NLGN1: variants seen among roughly 807,000 people sequenced by gnomAD.
NLGN1 encodes neuroligin 1, also known as neuroligin-1.
In NLGN1, 12 loss-of-function variants were observed where a neutral mutation model predicts 65.5. The ratio of observed to expected loss-of-function variants is 0.18; its 90% CI spans 0.12 to 0.30. The LOEUF (loss-of-function observed/expected upper bound fraction) is 0.30, where lower values mean the gene tolerates loss of function less well. Among genes scored for constraint, NLGN1 ranks in the 10% least tolerant of loss-of-function variants. NLGN1 has a pLI of 1.00. For synonymous variants in NLGN1, 350 were observed against 359.5 expected, an observed-to-expected ratio of 0.97 and a Z score of 0.30; for missense variants, 750 against 1,007.1, an observed-to-expected ratio of 0.74 and a Z score of 3.46.
At chr3:174,241,866 G>A (rs1577538238) in intron 4 of NLGN1, among the ~76,000 whole-genome samples, 1 of 152,136 alleles carries the variant, frequency 6.6e-6, no homozygotes, top group East Asian at 2.0e-4. Context: ...CACCGTGTTA[G>A]CCAGGATGGT....
chr3:174,259,146 ATAATC>A (rs1273918552), intron 4 of NLGN1, among the ~76,000 whole-genome samples: 5 of 152,178 alleles, frequency 3.3e-5, no homozygotes, highest in Admixed American at 6.5e-5. Flanking sequence ...AATATGGAAA[ATAATC>A]TAGTCTAGCC....
chr3:174,289,961 A>ATATATG (rs1752566135), downstream of NLGN1, among the ~76,000 whole-genome samples: 1 of 113,698 alleles, frequency 8.8e-6, no homozygotes, highest in African/African-American at 3.4e-5. Flanking sequence ...ATGTGTATAT[A>ATATATG]TATATATGTA....
intron 3 of NLGN1, among the ~76,000 whole-genome samples, chr3:173,639,533 G>A (rs1460079438): frequency 6.6e-6 from 1 of 152,194 alleles, no homozygotes; most frequent in Non-Finnish European, 1.5e-5. Flanking sequence ...TAGACATGGA[G>A]GACTGTTATG....
upstream of NLGN1, among the ~76,000 whole-genome samples, chr3:173,397,143 T>C (rs1716753008): frequency 6.6e-6 from 1 of 152,158 alleles, no homozygotes; most frequent in Non-Finnish European, 1.5e-5. Context: ...AAACGCTTTT[T>C]TTCATTTAAA....
chr3:173,543,684 A>G (rs1739274022), intron 2 of NLGN1, among the ~76,000 whole-genome samples: 1 of 152,170 alleles, frequency 6.6e-6, no homozygotes, highest in Non-Finnish European at 1.5e-5. Context: ...AAACTTCTAT[A>G]GGATTGATAA....
intron 4 of NLGN1, among the ~76,000 whole-genome samples, chr3:174,199,582 A>G (rs1734071988): frequency 6.6e-6 from 1 of 152,154 alleles, no homozygotes; most frequent in Non-Finnish European, 1.5e-5. Context: ...AGCTATCTGC[A>G]TCAGTAAATG....
At position 174,256,568 on chromosome 3, in the gene NLGN1, G is replaced by A. The variant is rs140725270; in HGVS notation, c.647-18747G>A. Among the ~76,000 whole-genome samples, 90 of 151,902 alleles carry A rather than the reference G, an allele frequency of 5.9e-4. 1 individual carries two copies. Among genetic ancestry groups the A allele is most frequent in the African/African-American group, 2.0e-3 (81 of 41,460 alleles). On this transcript the variant is annotated intron_variant, in intron 4 of 6. Coordinates refer to ENST00000457714, the Ensembl canonical transcript of NLGN1. ...GCATGTGTGTTTGTGTGTGTGTGGC[G>A]GTGTGTTGGTACTTCTATGTGCAAC...
intron 2 of NLGN1, among the ~76,000 whole-genome samples, chr3:173,539,613 ATAT>A (rs202106432): frequency 0.056 from 5,427 of 96,274 alleles, 424 homozygotes; most frequent in African/African-American, 0.17. Context: ...TGTATGTTAT[ATAT>A]TATATATTTA....
chr3:174,130,144 G>A (rs1420022414), intron 4 of NLGN1, among the ~76,000 whole-genome samples: 1 of 152,188 alleles, frequency 6.6e-6, no homozygotes, highest in East Asian at 1.9e-4. Context: ...GGAGGCCAAG[G>A]CAGGTGGAGC....
intron 3 of NLGN1, among the ~76,000 whole-genome samples, chr3:173,709,630 C>G (rs1054897545): frequency 1.3e-5 from 2 of 151,464 alleles, no homozygotes; most frequent in Non-Finnish European, 2.9e-5. Context: ...GATGAAACCC[C>G]ATCCCTACTA....
chr3:174,028,996 A>C (rs1035879922), intron 4 of NLGN1, among the ~76,000 whole-genome samples: 6 of 152,074 alleles, frequency 3.9e-5, no homozygotes, highest in African/African-American at 1.4e-4. Context: ...ATGCCTGGAT[A>C]TCCAGGCAGA....
At chr3:174,011,297 C>T (rs2152441567) in intron 4 of NLGN1, among the ~76,000 whole-genome samples, 1 of 152,256 alleles carries the variant, frequency 6.6e-6, no homozygotes, top group Middle Eastern at 3.4e-3. Flanking sequence ...GTTGGCTTTT[C>T]CCTTCTTTCA....
chr3:173,916,830 C>G (rs531107609), intron 4 of NLGN1, among the ~76,000 whole-genome samples: 2 of 152,204 alleles, frequency 1.3e-5, no homozygotes, highest in East Asian at 3.9e-4. Flanking sequence ...TCTAAAATGC[C>G]TTAATTAGTA....
In NLGN1 at chr3:173,832,129, A is replaced by C. The variant is rs9849162; in HGVS notation, c.646+24297A>C. On this transcript the variant is annotated intron_variant, in intron 4 of 6. Coordinates refer to ENST00000457714, the Ensembl canonical transcript of NLGN1. The stretch of plus-strand genomic sequence containing the variant: ...TCGCCTCCAAGCCCAGCTAAATTAA[A>C]AAAAAAAAAAAAACTGTAGAGACAG... Among the ~76,000 whole-genome samples the C allele has an allele frequency of 9.9e-3, 621 of 62,894 alleles. 2 individuals carry two copies. The highest frequency in any genetic ancestry group is 0.011 in the Non-Finnish European group (302 of 26,380). 41.3% of individuals were successfully genotyped at this position (62,894 alleles called of 152,430 possible).
chr3:173,457,633 T>A (rs898864130), intron 2 of NLGN1, among the ~76,000 whole-genome samples: 1 of 152,104 alleles, frequency 6.6e-6, no homozygotes, highest in Non-Finnish European at 1.5e-5. Flanking sequence ...TAAATTCTTA[T>A]AGGCAAGCAA....
rs1431693922 is a variant in NLGN1 at position 173,671,986 on chromosome 3, A to G, written c.493+66895A>G. On this transcript the variant is annotated intron_variant, in intron 3 of 6. Transcript: ENST00000457714. ...TCAGGAGATCGAGACCATCCTGGCT[A>G]ATATGGTGAAACCCCGTCTCTACTA... Among the ~76,000 whole-genome samples the G allele has an allele frequency of 2.0e-5, 3 of 151,498 alleles. No homozygotes were observed. The East Asian group carries it at 5.8e-4, about 30-fold the overall frequency.
chr3:174,120,639 T>A (rs2152644360), intron 4 of NLGN1, among the ~76,000 whole-genome samples: 1 of 152,334 alleles, frequency 6.6e-6, no homozygotes, highest in East Asian at 1.9e-4. Context: ...GAGTTTGAAT[T>A]TAACCCTATG....
intron 3 of NLGN1, among the ~76,000 whole-genome samples, chr3:173,636,672 A>C (rs533710636): frequency 1.3e-5 from 2 of 151,710 alleles, no homozygotes; most frequent in Admixed American, 6.6e-5. Flanking sequence ...CTTTTTGTCC[A>C]CTCTTGGGAC....
intron 2 of NLGN1, among the ~76,000 whole-genome samples, chr3:173,553,606 T>G (rs1665428328): frequency 6.6e-6 from 1 of 152,212 alleles, no homozygotes; most frequent in African/African-American, 2.4e-5. Context: ...CAGAGGTCAC[T>G]TTGAAGTCTG....
Sources: gnomAD v4.1 joint callset for allele counts (sites outside exome capture counted in the v4.1 genomes callset) on GRCh38, gnomAD v4.1.1 for gene constraint, MANE v1.5 for transcripts, NCBI Gene and HGNC (gene_info 2026-07-23, HGNC 2026-07-21) for gene names.